Variants in TMEM178B observed in about 807,000 individuals in gnomAD.
The protein encoded by TMEM178B is transmembrane protein 178B.
In TMEM178B, 5 loss-of-function variants were observed where a neutral mutation model predicts 31.0. That is an observed-to-expected ratio of 0.16 (90% CI 0.08 to 0.34). TMEM178B has a LOEUF of 0.34. TMEM178B is among the 10% of genes least tolerant of loss of function. The pLI is 1.00. For synonymous variants in TMEM178B, 164 were observed against 164.0 expected (o/e 1.00, Z 0.00); for missense variants, 275 against 400.3 (o/e 0.69, Z 2.67).
chr7:141,366,399 C>T (rs191068557), intron 2 of TMEM178B, among the ~76,000 whole-genome samples: 14 of 152,290 alleles, frequency 9.2e-5, no homozygotes, highest in Non-Finnish European at 1.9e-4. Flanking sequence ...AGGAATTTTG[C>T]TTTTCAAATC....
intron 2 of TMEM178B, among the ~76,000 whole-genome samples, chr7:141,431,880 A>G (rs1030744047): frequency 6.6e-6 from 1 of 152,232 alleles, no homozygotes; most frequent in South Asian, 2.1e-4. Context: ...TTACCTCTAA[A>G]GACAGGAGAT....
At chr7:141,188,493 C>T (rs191408544) in intron 1 of TMEM178B, among the ~76,000 whole-genome samples, 1 of 152,194 alleles carries the variant, frequency 6.6e-6, no homozygotes. Flanking sequence ...TAGGACGAAA[C>T]TGAGTCAGCA....
the TMEM178B span, among the ~76,000 whole-genome samples, chr7:141,502,623 A>T: frequency 3.5e-4 from 54 of 152,282 alleles, no homozygotes; most frequent in Middle Eastern, 3.4e-3. Flanking sequence ...ATAAAAAATT[A>T]GCTGGGCATG....
chr7:141,380,625 C>A (rs1471615146), intron 2 of TMEM178B, among the ~76,000 whole-genome samples: 3 of 152,098 alleles, frequency 2.0e-5, no homozygotes, highest in East Asian at 3.8e-4. Context: ...TAGTGGAAAT[C>A]CAACTGCTTA....
intron 1 of TMEM178B, among the ~76,000 whole-genome samples, chr7:141,190,722 A>G (rs1796683840): frequency 1.3e-5 from 2 of 152,202 alleles, no homozygotes; most frequent in South Asian, 4.1e-4. Flanking sequence ...GTAAAGTTGA[A>G]CAATCTAAGT....
At chr7:141,347,764 T>A (rs974144485) in intron 2 of TMEM178B, among the ~76,000 whole-genome samples, 1 of 151,980 alleles carries the variant, frequency 6.6e-6, no homozygotes, top group Non-Finnish European at 1.5e-5. Context: ...TTTCCTGTCC[T>A]CCTCACCTCA....
intron 1 of TMEM178B, among the ~76,000 whole-genome samples, chr7:141,156,705 C>T (rs530349569): frequency 2.6e-5 from 4 of 152,288 alleles, no homozygotes; most frequent in African/African-American, 7.2e-5. Flanking sequence ...ATCTATTCTG[C>T]GTAATTACTT....
chr7:141,468,220 A>G (rs1204810521), intron 3 of TMEM178B, among the ~76,000 whole-genome samples: 1 of 152,202 alleles, frequency 6.6e-6, no homozygotes, highest in African/African-American at 2.4e-5. Flanking sequence ...CAGCAGCATC[A>G]GCATGCCCCA....
At chr7:141,504,140 T>C in the TMEM178B span, among the ~76,000 whole-genome samples, 1 of 152,270 alleles carries the variant, frequency 6.6e-6, no homozygotes, top group Non-Finnish European at 1.5e-5. Context: ...CACCTGTTTC[T>C]GATGACCTCT....
intron 2 of TMEM178B, among the ~76,000 whole-genome samples, chr7:141,236,525 C>T (rs769099444): frequency 6.6e-5 from 10 of 152,210 alleles, no homozygotes; most frequent in Admixed American, 1.3e-4. Flanking sequence ...AACCACCTGC[C>T]TGCAGCCTCC....
At chr7:141,387,997 C>G (rs1223662879) in intron 2 of TMEM178B, among the ~76,000 whole-genome samples, 2 of 152,222 alleles carry the variant, frequency 1.3e-5, no homozygotes, top group African/African-American at 4.8e-5. Flanking sequence ...CTCTGGCTGC[C>G]AAGCCGCACA....
intron 2 of TMEM178B, among the ~76,000 whole-genome samples, chr7:141,333,133 T>C (rs953490115): frequency 3.9e-5 from 6 of 152,212 alleles, no homozygotes; most frequent in Non-Finnish European, 1.5e-5. Flanking sequence ...CAATGACATC[T>C]CAGTGAAATA....
Position 141,074,392 on chromosome 7 carries a change from T to C in TMEM178B, c.82T>C (p.Ser28Pro). ...CGGCATGCTGGCCGTGGCCATCTGCTCGGACCACTGGTACGAGACGGACGC... is the reference window on the plus strand; with the variant it reads ...CGGCATGCTGGCCGTGGCCATCTGCCCGGACCACTGGTACGAGACGGACGC... Reference protein sequence around the residue: ...ALGMLAVAICSDHWYETDARK... With the variant: ...ALGMLAVAICPDHWYETDARK... The change falls in exon 1 of 4, where the codon TCG becomes CCG. Residue 28 changes from serine to proline, a missense_variant. Ser to Pro is a moderately conservative substitution (Grantham distance 74, BLOSUM62 -1). Transcript: ENST00000565468. This position sits in a 1 kb window ranked among gnomAD's most constrained non-coding sequence, Gnocchi z 5.1. 1 of 1,536,110 alleles carries C rather than the reference T, an allele frequency of 6.5e-7. No individual in the cohort carries two copies. The highest frequency in any genetic ancestry group is 8.7e-7 in the Non-Finnish European group (1 of 1,146,860).
chr7:141,113,105 A>G (rs1795261006), intron 1 of TMEM178B, among the ~76,000 whole-genome samples: 1 of 152,242 alleles, frequency 6.6e-6, no homozygotes. Flanking sequence ...ATTTTGAGAG[A>G]TGCTGAAGGA....
intron 1 of TMEM178B, among the ~76,000 whole-genome samples, chr7:141,124,558 G>A (rs548045775): frequency 2.8e-4 from 43 of 152,182 alleles, no homozygotes; most frequent in African/African-American, 7.9e-4. Context: ...ACTCCTGGTT[G>A]TCTTATTTTC....
At chr7:141,379,070 A>G (rs777843887) in intron 2 of TMEM178B, among the ~76,000 whole-genome samples, 48 of 152,154 alleles carry the variant, frequency 3.2e-4, no homozygotes, top group Non-Finnish European at 6.5e-4. Context: ...AGAGCCATGC[A>G]GGGGCATCCT....
intron 2 of TMEM178B, among the ~76,000 whole-genome samples, chr7:141,277,746 G>C (rs528547737): frequency 1.2e-4 from 18 of 152,260 alleles, no homozygotes; most frequent in African/African-American, 4.1e-4. Context: ...GCTGACCTAA[G>C]TCTTCAGGTG....
chr7:141,325,571 C>T (rs768058926), intron 2 of TMEM178B, among the ~76,000 whole-genome samples: 6 of 152,138 alleles, frequency 3.9e-5, no homozygotes, highest in Non-Finnish European at 5.9e-5. Context: ...GGTCTGACCC[C>T]ATCAGCATGA....
chr7:141,329,759 T>C (rs967401408), intron 2 of TMEM178B, among the ~76,000 whole-genome samples: 1 of 152,182 alleles, frequency 6.6e-6, no homozygotes, highest in African/African-American at 2.4e-5. Context: ...GCCCTGTTAA[T>C]TAAACAAGTA....
Sources: gnomAD v4.1 joint callset for allele counts (sites outside exome capture counted in the v4.1 genomes callset) on GRCh38, gnomAD v4.1.1 for gene constraint, Gnocchi (gnomAD v3.1) non-coding constraint, MANE v1.5 for transcripts, NCBI Gene and HGNC (gene_info 2026-07-23, HGNC 2026-07-21) for gene names.